Variants in ITGAV observed in about 807,000 individuals in gnomAD.
ITGAV encodes the protein integrin alpha-V.
ITGAV carries 76 observed loss-of-function variants against 143.8 expected under a neutral mutation model. The ratio of observed to expected loss-of-function variants is 0.53; its 90% CI spans 0.44 to 0.64. The LOEUF is 0.64. Among genes scored for constraint, ITGAV ranks in the 30% least tolerant of loss-of-function variants. The probability of loss-of-function intolerance (pLI) is 0.00; values close to 1 mark genes in which losing one functional copy is unlikely to be tolerated. For synonymous variants in ITGAV, 453 were observed against 446.7 expected, an observed-to-expected ratio of 1.01 and a Z score of -0.18; for missense variants, 1,193 against 1,274.7, an observed-to-expected ratio of 0.94 and a Z score of 0.98.
chr2:186,591,654 A>G (rs894492815), intron 1 of ITGAV, among the ~76,000 whole-genome samples: 18 of 152,166 alleles, frequency 1.2e-4, no homozygotes, highest in East Asian at 5.8e-4. Flanking sequence ...ATGGTTTTCT[A>G]TGACTGTTAG....
rs190925079 is a variant in ITGAV, at chr2:186,648,019, T to A, written c.1351+1142T>A. Among the ~76,000 whole-genome samples the A allele has an allele frequency of 2.3e-3, 352 of 152,338 alleles. 1 individual carries two copies. The highest frequency in any genetic ancestry group is 7.6e-3 in the African/African-American group (316 of 41,588). ...TCCTGTGCAGTCACACACATTTTTT[T>A]AAAAAGGAAATCATGCTTTTATATG... is the stretch of plus-strand genomic sequence containing the variant. On this transcript the variant is annotated intron_variant, in intron 13 of 29. Transcript: ENST00000261023.
At chr2:186,601,935 A>G (rs1686918762) in intron 1 of ITGAV, 86 bp from the exon 2 acceptor site, 3 of 1,325,438 alleles carry the variant, frequency 2.3e-6, no homozygotes, top group Non-Finnish European at 3.1e-6. Context: ...AGATAATATC[A>G]AGAGAATGAT....
Position 186,630,852 on chromosome 2 carries a change from T to C in ITGAV, c.579T>C (p.Phe193=). The C allele has an allele frequency of 6.5e-7, 1 of 1,547,004 alleles. No homozygotes were observed. Among genetic ancestry groups the C allele is most frequent in the Non-Finnish European group, 8.9e-7 (1 of 1,121,098 alleles). The part of the protein sequence containing the change: ...GFCQGGFSID[F]TKADRVLLGG... ...GTCAAGGAGGATTCAGCATTGATTT[T>C]ACTAAAGTAAGTTCTTATTTAAGAC... The change falls in exon 5 of 30, where the codon TTT becomes TTC. Residue 193 remains phenylalanine (F), a synonymous_variant. Transcript: ENST00000261023.
Position 186,668,216 on chromosome 2 carries a change from A to ATTTTT in ITGAV, c.2433+463_2433+467dup, listed in dbSNP as rs1186490756. Among the ~76,000 whole-genome samples, 9 of 4,198 alleles carry ATTTTT rather than the reference A, an allele frequency of 2.1e-3. 3 individuals are homozygous for ATTTTT. Among genetic ancestry groups the ATTTTT allele is most frequent in the African/African-American group, 3.8e-3 (6 of 1,578 alleles). 2.8% of individuals were successfully genotyped at this position (4,198 alleles called of 152,430 possible). Reference sequence around the variant, plus strand: ...TATATATATATATATATATATATATATTTTTTTTTTTTTTTTTTTTTTTTT... The same window carrying ATTTTT: ...TATATATATATATATATATATATATATTTTTTTTTTTTTTTTTTTTTTTTTTTTTT... On this transcript the variant is annotated intron_variant, in intron 24 of 29. Transcript: ENST00000261023.
chr2:186,671,508 CAG>C (rs1559069601), intron 26 of ITGAV, among the ~76,000 whole-genome samples: 1 of 152,078 alleles, frequency 6.6e-6, no homozygotes, highest in Non-Finnish European at 1.5e-5. Context: ...AAAATTATGT[CAG>C]AGATCTTCCC....
intron 6 of ITGAV, 69 bp downstream of exon 6, chr2:186,633,443 C>G: frequency 2.5e-6 from 2 of 789,938 alleles, no homozygotes; most frequent in Admixed American, 2.2e-5. Flanking sequence ...AATTGTATGC[C>G]TATGACATTT....
intron 26 of ITGAV, among the ~76,000 whole-genome samples, chr2:186,674,408 TTAAA>T (rs1481466514): frequency 2.0e-5 from 3 of 152,218 alleles, no homozygotes; most frequent in Non-Finnish European, 4.4e-5. Context: ...TTTTTTTAGC[TTAAA>T]TAGTTTTAAT....
chr2:186,650,361 G>T (rs116135748), intron 14 of ITGAV, among the ~76,000 whole-genome samples: 1 of 151,678 alleles, frequency 6.6e-6, no homozygotes, highest in Non-Finnish European at 1.5e-5. Flanking sequence ...CTACCACACC[G>T]GCTAATTTTT....
intron 14 of ITGAV, among the ~76,000 whole-genome samples, chr2:186,650,794 C>A (rs1688404258): frequency 6.6e-6 from 1 of 152,144 alleles, no homozygotes; most frequent in Admixed American, 6.5e-5. Flanking sequence ...AAGTGATCCA[C>A]CAGCCTCAGC....
intron 5 of ITGAV, among the ~76,000 whole-genome samples, chr2:186,631,393 A>G (rs989536336): frequency 1.3e-5 from 2 of 152,194 alleles, no homozygotes; most frequent in South Asian, 4.1e-4. Context: ...CTAAATTAAT[A>G]TTCTCTTCAG....
intron 12 of ITGAV, among the ~76,000 whole-genome samples, chr2:186,645,537 G>T (rs2105717488): frequency 6.6e-6 from 1 of 152,204 alleles, no homozygotes; most frequent in African/African-American, 2.4e-5. Context: ...TACCAGGTAG[G>T]GTTTAGAACT....
chr2:186,619,089 T>A (rs905506544), intron 2 of ITGAV, among the ~76,000 whole-genome samples: 1 of 146,840 alleles, frequency 6.8e-6, no homozygotes, highest in Admixed American at 7.0e-5. Flanking sequence ...ACATGCATTA[T>A]ATACATTATA....
intron 14 of ITGAV, 36 bp downstream of exon 14, chr2:186,649,921 T>A: frequency 7.3e-7 from 1 of 1,364,380 alleles, no homozygotes; most frequent in Non-Finnish European, 1.0e-6. Context: ...ATAGGAATAT[T>A]CTGAATTATT....
intron 3 of ITGAV, among the ~76,000 whole-genome samples, chr2:186,623,994 C>T (rs1237986677): frequency 6.6e-6 from 1 of 152,096 alleles, no homozygotes; most frequent in Non-Finnish European, 1.5e-5. Flanking sequence ...AGTCAAGTGG[C>T]TTTCTGTCAC....
intron 18 of ITGAV, among the ~76,000 whole-genome samples, chr2:186,663,293 T>C (rs1233941667): frequency 6.6e-6 from 1 of 152,194 alleles, no homozygotes; most frequent in East Asian, 1.9e-4. Flanking sequence ...CTGCTGAATA[T>C]CTACAGCTCC....
chr2:186,668,216 ATT>A (rs1186490756), intron 24 of ITGAV, among the ~76,000 whole-genome samples: 2 of 4,198 alleles, frequency 4.8e-4, no homozygotes, highest in Admixed American at 4.2e-3. Flanking sequence ...ATATATATAT[ATT>A]TTTTTTTTTT....
intron 26 of ITGAV, 69 bp from the exon 27 acceptor site, chr2:186,675,535 G>T (rs1380673596): frequency 1.7e-6 from 2 of 1,189,214 alleles, no homozygotes; most frequent in Non-Finnish European, 2.5e-6. Context: ...AAAAAAAATG[G>T]CAAATTTTCA....
intron 15 of ITGAV, among the ~76,000 whole-genome samples, chr2:186,653,684 G>T (rs1478655630): frequency 6.6e-6 from 1 of 152,098 alleles, no homozygotes; most frequent in Non-Finnish European, 1.5e-5. Flanking sequence ...TTTCTACCCT[G>T]CATACCTCTG....
chr2:186,675,798 T>C (rs1207403344), intron 27 of ITGAV, 22 bp from the exon 28 acceptor site: 2 of 1,553,240 alleles, frequency 1.3e-6, no homozygotes, highest in Non-Finnish European at 1.8e-6. Context: ...TGGGAAATCA[T>C]CTAATTGTTA....
Sources: gnomAD v4.1 joint callset for allele counts (sites outside exome capture counted in the v4.1 genomes callset) on GRCh38, gnomAD v4.1.1 for gene constraint, MANE v1.5 for transcripts, NCBI Gene and HGNC (gene_info 2026-07-23, HGNC 2026-07-21) for gene names.